The following SLC25A20 variants were observed in gnomAD, a reference collection of about 807,000 sequenced individuals.
SLC25A20 encodes solute carrier family 25 member 20, also known as mitochondrial carnitine/acylcarnitine carrier protein.
In SLC25A20, 29 loss-of-function variants were observed where a neutral mutation model predicts 39.7. The observed-to-expected ratio is 0.73, with a 90% confidence interval of 0.54 to 1.00. The LOEUF is 1.00. Ranked by LOEUF, SLC25A20 falls within the 50% of genes least tolerant of loss-of-function variation. The pLI is 0.00. For synonymous variants in SLC25A20, 103 were observed against 142.2 expected, an observed-to-expected ratio of 0.72 and a Z score of 1.96; for missense variants, 333 against 379.9, an observed-to-expected ratio of 0.88 and a Z score of 1.03.
At chr3:48,877,103 T>C (rs1445666560) in intron 4 of SLC25A20, among the ~76,000 whole-genome samples, 1 of 150,590 alleles carries the variant, frequency 6.6e-6, no homozygotes, top group Admixed American at 6.6e-5. Context: ...CTCAAAAAAA[T>C]AGAAAAGAGG....
Position 48,871,351 on chromosome 3 carries a change from A to G in SLC25A20, c.417+8007T>C, listed in dbSNP as rs2083713403. Among the ~76,000 whole-genome samples, 3 of 152,210 alleles carry G rather than the reference A, an allele frequency of 2.0e-5. No individual in the cohort carries two copies. In the South Asian group the frequency reaches 6.2e-4, roughly 32 times the overall value. Reference sequence around the variant, plus strand: ...AGGAGGCTGGAACAATTTAAAAAAAAAAAAAAGAGAATCAAGTGGGAGGAA... The same window carrying G: ...AGGAGGCTGGAACAATTTAAAAAAAGAAAAAAGAGAATCAAGTGGGAGGAA... On this transcript the variant is annotated intron_variant, in intron 4 of 8. Transcript: ENST00000319017.
intron 1 of SLC25A20, chr3:48,895,894 C>G (rs2083906555): frequency 4.7e-6 from 2 of 421,210 alleles, no homozygotes; most frequent in South Asian, 3.4e-5. Context: ...AATCCCAGCA[C>G]TTCAGGAGGC....
chr3:48,858,768 T>C, intron 7 of SLC25A20, 137 bp from the exon 8 acceptor site: 1 of 1,038,430 alleles, frequency 9.6e-7, no homozygotes, highest in Middle Eastern at 2.8e-4. Context: ...ACAGTTCACC[T>C]TGGGACAAAT....
At chr3:48,891,729 T>C (rs2083878940) in intron 2 of SLC25A20, among the ~76,000 whole-genome samples, 1 of 152,166 alleles carries the variant, frequency 6.6e-6, no homozygotes, top group South Asian at 2.1e-4. Flanking sequence ...TTCTCCGTCG[T>C]CTAAATTCCA....
intron 4 of SLC25A20, among the ~76,000 whole-genome samples, chr3:48,877,166 A>C (rs1351038268): frequency 6.7e-6 from 1 of 149,258 alleles, no homozygotes; most frequent in Non-Finnish European, 1.5e-5. Context: ...TGTAATCCCA[A>C]CACTTTGGGA....
At chr3:48,872,778 G>A (rs1340259393) in intron 4 of SLC25A20, among the ~76,000 whole-genome samples, 1 of 151,938 alleles carries the variant, frequency 6.6e-6, no homozygotes, top group African/African-American at 2.4e-5. Context: ...CAGAAGAACT[G>A]TTTGAGCCCA....
At position 48,861,594 on chromosome 3, in the gene SLC25A20, GCA is replaced by G. The variant is rs369677175; in HGVS notation, c.535+946_535+947del. On this transcript the variant is annotated intron_variant, in intron 5 of 8. Transcript: ENST00000319017. ...GTACAAAAATTAGCCAGGCATGGTG[GCA>G]CACACCTGTAACCCCAGCTACTCAG... is the stretch of plus-strand genomic sequence containing the variant. Among the ~76,000 whole-genome samples, 18 of 151,914 alleles carry G rather than the reference GCA, an allele frequency of 1.2e-4. No individual in the cohort carries two copies. In the East Asian group the frequency reaches 2.5e-3, roughly 21 times the overall value.
chr3:48,898,568 G>T, intron 1 of SLC25A20, 122 bp downstream of exon 1: 2 of 932,760 alleles, frequency 2.1e-6, no homozygotes, highest in Non-Finnish European at 3.4e-6. Flanking sequence ...AGATTCCCTA[G>T]ACTTCTCACG....
chr3:48,883,246 C>A (rs1490678668), intron 3 of SLC25A20, among the ~76,000 whole-genome samples: 2 of 151,324 alleles, frequency 1.3e-5, no homozygotes, highest in African/African-American at 4.9e-5. Flanking sequence ...TCAAGTACTC[C>A]TTCATGTATA....
At chr3:48,895,341 C>T (rs992436567) in intron 1 of SLC25A20, among the ~76,000 whole-genome samples, 7 of 152,184 alleles carry the variant, frequency 4.6e-5, no homozygotes, top group Non-Finnish European at 8.8e-5. Context: ...CGGAGCTTCT[C>T]CATGTTGGTC....
chr3:48,880,889 T>A (rs1446890275), intron 3 of SLC25A20, among the ~76,000 whole-genome samples: 1 of 152,112 alleles, frequency 6.6e-6, no homozygotes, highest in Non-Finnish European at 1.5e-5. Context: ...TTTCTGGGAT[T>A]AGCAATACCA....
chr3:48,857,234 C>A lies in SLC25A20; in HGVS notation c.*476G>T, dbSNP rs545212823. The A allele has an allele frequency of 1.3e-3, 245 of 189,702 alleles. No individual in the cohort carries two copies. Among genetic ancestry groups the A allele is most frequent in the Non-Finnish European group, 2.1e-3 (186 of 90,066 alleles). The allele number at this position is 189,702 out of a possible 1,614,324, so 11.8% of individuals were successfully genotyped here. A position where few individuals can be genotyped will look rare whatever the true frequency, so the allele number is the denominator to read the frequency against. Reference sequence around the variant, plus strand: ...GAGGTGGGCCTCAAGTCCATATCCACATGTACAGCCCAGGATTAGATGGCA... The same window carrying A: ...GAGGTGGGCCTCAAGTCCATATCCAAATGTACAGCCCAGGATTAGATGGCA... On this transcript the variant is annotated 3_prime_UTR_variant, in exon 9 of 9. Coordinates refer to ENST00000319017, the MANE Select transcript of SLC25A20 (RefSeq NM_000387.6).
intron 2 of SLC25A20, among the ~76,000 whole-genome samples, chr3:48,888,253 A>AGGACGGTTG (rs1326735132): frequency 6.6e-6 from 1 of 150,536 alleles, no homozygotes; most frequent in East Asian, 1.9e-4. Context: ...ACCTCACTCA[A>AGGACGGTTG]GGACGGTTGG....
intron 4 of SLC25A20, among the ~76,000 whole-genome samples, chr3:48,875,852 T>TA (rs1489192837): frequency 2.0e-5 from 3 of 151,796 alleles, no homozygotes; most frequent in Admixed American, 6.6e-5. Context: ...ACCCCATCTC[T>TA]AAAAAAATAA....
chr3:48,897,280 CCTT>C (rs2083916236), intron 1 of SLC25A20, among the ~76,000 whole-genome samples: 1 of 148,484 alleles, frequency 6.7e-6, no homozygotes, highest in East Asian at 2.0e-4. Context: ...GTCATCCAGT[CCTT>C]CTTGGGAGTG....
chr3:48,887,756 G>T (rs2083839911), intron 2 of SLC25A20, among the ~76,000 whole-genome samples: 1 of 152,100 alleles, frequency 6.6e-6, no homozygotes, highest in Admixed American at 6.6e-5. Context: ...ACAAAAATTA[G>T]TCGGGCATGG....
intron 1 of SLC25A20, 135 bp downstream of exon 1, chr3:48,898,553 AAG>A (rs1463466865): frequency 2.3e-6 from 2 of 880,882 alleles, no homozygotes; most frequent in Non-Finnish European, 3.7e-6. Context: ...CCACCCCTGA[AAG>A]AGAGATTCCC....
At chr3:48,866,462 G>C (rs2083669791) in intron 4 of SLC25A20, among the ~76,000 whole-genome samples, 1 of 151,884 alleles carries the variant, frequency 6.6e-6, no homozygotes, top group African/African-American at 2.4e-5. Context: ...GCTGAGGCAG[G>C]AGAATTGCTG....
rs372142593 is a variant in SLC25A20 at position 48,883,656 on chromosome 3, C to G, written c.326+341G>C. ...TTTTTTTTGAGATGGAGTCTTGCTC[C>G]GTTGCTCAGGTTGGAGTGCAGTGGT... On this transcript the variant is annotated intron_variant, in intron 3 of 8. Transcript: ENST00000319017. 4.9e-5 allele frequency among the ~76,000 whole-genome samples: 7 copies of G among 142,130 alleles called. No individual in the cohort carries two copies. In the East Asian group the frequency reaches 1.4e-3, roughly 27 times the overall value. The allele number at this position is 142,130 out of a possible 152,430, so 93.2% of individuals were successfully genotyped here.
Sources: gnomAD v4.1 joint callset for allele counts (sites outside exome capture counted in the v4.1 genomes callset) on GRCh38, gnomAD v4.1.1 for gene constraint, MANE v1.5 for transcripts, NCBI Gene and HGNC (gene_info 2026-07-23, HGNC 2026-07-21) for gene names.